The following CADPS variants were observed in gnomAD, a reference collection of about 807,000 sequenced individuals.
The protein encoded by CADPS is calcium dependent secretion activator.
A neutral mutation model predicts 167.3 loss-of-function variants in CADPS; 57 were observed. That is an observed-to-expected ratio of 0.34 (90% confidence interval 0.28 to 0.42). The LOEUF is 0.42. CADPS is among the 20% of genes least tolerant of loss of function. CADPS has a pLI of 1.00. For synonymous variants in CADPS, 676 were observed against 635.3 expected, an observed-to-expected ratio of 1.06 and a Z score of -0.96; for missense variants, 1,414 against 1,738.1, an observed-to-expected ratio of 0.81 and a Z score of 3.32.
At chr3:62,856,143 G>C (rs1414174291) in intron 1 of CADPS, among the ~76,000 whole-genome samples, 1 of 152,132 alleles carries the variant, frequency 6.6e-6, no homozygotes, top group East Asian at 1.9e-4. Flanking sequence ...AGGGACAGAA[G>C]TGCTCAGGTG....
chr3:62,488,518 G>C (rs917568834), intron 21 of CADPS, among the ~76,000 whole-genome samples: 7 of 151,286 alleles, frequency 4.6e-5, no homozygotes, highest in Non-Finnish European at 1.0e-4. Context: ...TTTTAATAGG[G>C]ACTCACTCTG....
intron 5 of CADPS, 79 bp from the exon 6 acceptor site, chr3:62,645,922 G>C: frequency 6.5e-7 from 1 of 1,543,594 alleles, no homozygotes. Context: ...ACACAAATGA[G>C]AAGCTACAGA....
intron 13 of CADPS, among the ~76,000 whole-genome samples, 154 bp downstream of exon 13, chr3:62,532,717 T>TG (rs2073959005): frequency 8.1e-5 from 12 of 148,804 alleles, no homozygotes; most frequent in African/African-American, 3.0e-4. Context: ...TTAGTGCCCT[T>TG]TGTGTGTGTG....
At chr3:62,484,244 G>A (rs576700575) in intron 21 of CADPS, among the ~76,000 whole-genome samples, 2 of 151,930 alleles carry the variant, frequency 1.3e-5, no homozygotes, top group African/African-American at 4.8e-5. Flanking sequence ...AAATAATGTA[G>A]TGTATTACTA....
intron 26 of CADPS, among the ~76,000 whole-genome samples, chr3:62,459,639 C>T (rs1371974152): frequency 6.6e-6 from 1 of 152,192 alleles, no homozygotes; most frequent in East Asian, 1.9e-4. Context: ...TCCCTTTGGT[C>T]CATAGTTACA....
chr3:62,845,489 T>C (rs565248731), intron 1 of CADPS, among the ~76,000 whole-genome samples: 1 of 152,160 alleles, frequency 6.6e-6, no homozygotes, highest in African/African-American at 2.4e-5. Context: ...TAAATAAAGT[T>C]ATGAGGCCCA....
At chr3:62,702,903 C>T (rs1376185600) in intron 3 of CADPS, among the ~76,000 whole-genome samples, 1 of 152,048 alleles carries the variant, frequency 6.6e-6, no homozygotes, top group African/African-American at 2.4e-5. Flanking sequence ...TGATCCCATG[C>T]AGTTAGGTAT....
intron 7 of CADPS, among the ~76,000 whole-genome samples, chr3:62,588,643 A>G (rs2085217107): frequency 6.6e-6 from 1 of 152,180 alleles, no homozygotes; most frequent in African/African-American, 2.4e-5. Flanking sequence ...ACATATACAA[A>G]TAAATAAATT....
intron 3 of CADPS, among the ~76,000 whole-genome samples, chr3:62,694,385 GTTTAC>G (rs1334702293): frequency 6.6e-6 from 1 of 151,962 alleles, no homozygotes; most frequent in African/African-American, 2.4e-5. Context: ...TGTCAATGTT[GTTTAC>G]TTTAAACTTT....
chr3:62,461,757 C>A (rs550169588), intron 26 of CADPS, among the ~76,000 whole-genome samples: 1 of 152,202 alleles, frequency 6.6e-6, no homozygotes, highest in Non-Finnish European at 1.5e-5. Context: ...ATCACCTCCC[C>A]GCTTTCTCTT....
intron 5 of CADPS, 131 bp from the exon 6 acceptor site, chr3:62,645,974 C>T (rs536868318): frequency 8.1e-6 from 8 of 986,836 alleles, no homozygotes; most frequent in Admixed American, 4.7e-5. Flanking sequence ...AGGTTTGTAC[C>T]AGTCATGCTG....
chr3:62,403,073 T>C lies in CADPS; in HGVS notation c.3882+8A>G, dbSNP rs1341657404. The C allele has an allele frequency of 6.5e-7, 1 of 1,539,536 alleles. No homozygotes were observed. Among genetic ancestry groups the C allele is most frequent in the African/African-American group, 1.4e-5 (1 of 73,326 alleles). On this transcript the variant is annotated splice_region_variant and intron_variant, in intron 29 of 29. Transcript: ENST00000383710. ...TTTGCAAAGAAGAATAATAATCTTT[T>C]CTTTTACCTTTACCATCCTAATTAG...
chr3:62,406,569 T>C lies in CADPS; in HGVS notation c.3778-3384A>G, dbSNP rs73102535. ...AAATAAGAATTGTGGGCTGACGACATGTACTAAGTATTTAAGTATAATTTC... is the reference window on the plus strand; with the variant it reads ...AAATAAGAATTGTGGGCTGACGACACGTACTAAGTATTTAAGTATAATTTC... On this transcript the variant is annotated intron_variant, in intron 28 of 29. Transcript: ENST00000383710. Among the ~76,000 whole-genome samples the C allele has an allele frequency of 4.7e-3, 714 of 152,320 alleles. 3 individuals carry two copies. Among genetic ancestry groups the C allele is most frequent in the Non-Finnish European group, 8.4e-3 (572 of 68,034 alleles).
chr3:62,527,625 C>T (rs974797413), intron 13 of CADPS, among the ~76,000 whole-genome samples: 4 of 152,134 alleles, frequency 2.6e-5, no homozygotes, highest in African/African-American at 7.2e-5. Flanking sequence ...TAGTTTTTCA[C>T]GGAGATGGTG....
intron 3 of CADPS, among the ~76,000 whole-genome samples, chr3:62,692,488 G>A (rs145865992): frequency 6.6e-6 from 1 of 152,198 alleles, no homozygotes; most frequent in African/African-American, 2.4e-5. Flanking sequence ...TTTGGCTTAG[G>A]AGGTAAACCT....
In CADPS at chr3:62,594,156, T is replaced by TA. The variant is rs1562617971; in HGVS notation, c.1326-1409_1326-1408insT. On this transcript the variant is annotated intron_variant, in intron 6 of 29. Coordinates refer to ENST00000383710, the MANE Select transcript of CADPS (RefSeq NM_003716.4). ...TTTTTTTTATTTATTTTTTTTATTT[T>TA]TTTTATTTATTTATTTATTTTTTGA... Among the ~76,000 whole-genome samples, 7 of 131,160 alleles carry TA rather than the reference T, an allele frequency of 5.3e-5. No homozygotes were observed. In the South Asian group the frequency reaches 1.1e-3, roughly 20 times the overall value. 86.0% of individuals were successfully genotyped at this position (131,160 alleles called of 152,430 possible).
At chr3:62,776,166 C>T (rs529264703) in intron 1 of CADPS, among the ~76,000 whole-genome samples, 10 of 152,288 alleles carry the variant, frequency 6.6e-5, no homozygotes, top group African/African-American at 2.4e-4. Flanking sequence ...AGTAGTGAAT[C>T]TACTACCAGC....
At chr3:62,754,879 A>G (rs1019662864) in intron 2 of CADPS, among the ~76,000 whole-genome samples, 4 of 152,180 alleles carry the variant, frequency 2.6e-5, no homozygotes, top group African/African-American at 9.7e-5. Flanking sequence ...TTATCCCTTC[A>G]ATGATACTTT....
chr3:62,760,871 C>G (rs543060747), intron 2 of CADPS, among the ~76,000 whole-genome samples: 204 of 152,280 alleles, frequency 1.3e-3, no homozygotes, highest in Middle Eastern at 6.8e-3. Context: ...ACTGTTCTTC[C>G]TCTTCTGATA....
Sources: allele counts gnomAD v4.1 joint callset (sites outside exome capture counted in the v4.1 genomes callset), GRCh38; gene constraint gnomAD v4.1.1; transcripts MANE v1.5; gene names NCBI Gene and HGNC (gene_info 2026-07-23, HGNC 2026-07-21).